The following EPG5 variants were observed in gnomAD, a reference collection of about 807,000 sequenced individuals.
The protein encoded by EPG5 is ectopic P granules protein 5 homolog.
In EPG5, 159 loss-of-function variants were observed where a neutral mutation model predicts 302.7. That is an observed-to-expected ratio of 0.53 (90% CI 0.46 to 0.60). The LOEUF (loss-of-function observed/expected upper bound fraction) is 0.60, where lower values mean the gene tolerates loss of function less well. Ranked by LOEUF, EPG5 falls within the 20% of genes least tolerant of loss-of-function variation. The probability of loss-of-function intolerance (pLI) is 0.00; values close to 1 mark genes in which losing one functional copy is unlikely to be tolerated. For synonymous variants in EPG5, 1,158 were observed against 1,136.8 expected (o/e 1.02, Z -0.37); for missense variants, 2,896 against 3,092.4 (o/e 0.94, Z 1.51).
chr18:45,872,215 T>C (rs2048885934), intron 35 of EPG5, among the ~76,000 whole-genome samples: 1 of 152,256 alleles, frequency 6.6e-6, no homozygotes, highest in African/African-American at 2.4e-5. Context: ...ACCTGGATTA[T>C]TACTCAATAT....
At chr18:45,924,790 C>T (rs769168743) in intron 14 of EPG5, among the ~76,000 whole-genome samples, 3 of 152,218 alleles carry the variant, frequency 2.0e-5, no homozygotes, top group Non-Finnish European at 4.4e-5. Context: ...CGCAGTGGCA[C>T]GCGCCTGTAA....
chr18:45,930,696 T>C lies in EPG5; in HGVS notation c.2392A>G (p.Ile798Val). 1 of 1,593,402 alleles carries C rather than the reference T, an allele frequency of 6.3e-7. No individual in the cohort carries two copies. Among genetic ancestry groups the C allele is most frequent in the South Asian group, 1.2e-5 (1 of 86,248 alleles). ...CTAACCTCATATATCTCCAGAACAATAATTTTTATGAAGTCTTCGTCCACA... is the reference window on the plus strand; with the variant it reads ...CTAACCTCATATATCTCCAGAACAACAATTTTTATGAAGTCTTCGTCCACA... Reference protein sequence around the residue: ...TNVDEDFIKIIVLEIYEVSYV... With the variant: ...TNVDEDFIKIVVLEIYEVSYV... The change falls in exon 12 of 44, where the codon ATT (isoleucine) becomes GTT (valine). Residue 798 changes from isoleucine to valine, a missense_variant. Transcript: ENST00000282041.
At chr18:45,963,352 A>T (rs1392597553) in intron 1 of EPG5, among the ~76,000 whole-genome samples, 2 of 152,248 alleles carry the variant, frequency 1.3e-5, no homozygotes, top group African/African-American at 4.8e-5. Flanking sequence ...AAAGGCCCTG[A>T]AGCAGGAAAG....
intron 28 of EPG5, among the ~76,000 whole-genome samples, chr18:45,888,171 T>A (rs2049259233): frequency 6.6e-6 from 1 of 151,788 alleles, no homozygotes; most frequent in Admixed American, 6.6e-5. Flanking sequence ...AATGGTGTGA[T>A]CTCGGCTCAC....
Position 45,949,578 on chromosome 18 carries a change from T to C in EPG5, c.1403A>G (p.Gln468Arg). 4 of 1,609,626 alleles carry C rather than the reference T, an allele frequency of 2.5e-6. No homozygotes were observed. Among genetic ancestry groups the C allele is most frequent in the Non-Finnish European group, 3.4e-6 (4 of 1,176,144 alleles). ...LWLQKLVSVLQRVGCPGDHLF... is the reference protein window; with the variant it reads ...LWLQKLVSVLRRVGCPGDHLF... Reference sequence around the variant, plus strand: ...GTGATCTCCAGGACAGCCAACTCTTTGTAGCACGGATACCTGAACAATAAA... The same window carrying C: ...GTGATCTCCAGGACAGCCAACTCTTCGTAGCACGGATACCTGAACAATAAA... The change falls in exon 5 of 44, where the codon CAA becomes CGA. Residue 468 changes from glutamine to arginine, a missense_variant. This residue lies in a region of EPG5 where 1,390 missense variants were observed against 1,430.0 expected (regional missense o/e 0.97). Transcript: ENST00000282041.
chr18:45,924,317 G>T (rs1215664994), intron 14 of EPG5, among the ~76,000 whole-genome samples: 1 of 152,232 alleles, frequency 6.6e-6, no homozygotes, highest in Non-Finnish European at 1.5e-5. Context: ...ACAAGCCAGA[G>T]AATGTGAAGG....
At chr18:45,947,693 C>A (rs2050816222) in intron 6 of EPG5, among the ~76,000 whole-genome samples, 1 of 152,200 alleles carries the variant, frequency 6.6e-6, no homozygotes, top group South Asian at 2.1e-4. Context: ...CTATCCTAAC[C>A]TGTGTTGGGG....
At chr18:45,899,832 T>C (rs573048818) in intron 26 of EPG5, among the ~76,000 whole-genome samples, 22 of 152,310 alleles carry the variant, frequency 1.4e-4, no homozygotes, top group African/African-American at 5.3e-4. Flanking sequence ...TTAGAATCCA[T>C]GTTATACCAA....
the EPG5 span, among the ~76,000 whole-genome samples, chr18:45,824,661 G>A: frequency 6.6e-6 from 1 of 152,214 alleles, no homozygotes; most frequent in Non-Finnish European, 1.5e-5. Context: ...ACGGCCAAAG[G>A]GAGGAGGAGG....
At position 45,860,082 on chromosome 18, in the gene EPG5, G is replaced by A. The variant is rs374393035; in HGVS notation, c.7009+22C>T. 4.0e-5 allele frequency: 64 copies of A among 1,613,428 alleles called. No individual in the cohort carries two copies. In the African/African-American group the frequency reaches 6.3e-4, roughly 16 times the overall value. Reference sequence around the variant, plus strand: ...TTCTGGAAAAGACCAATACAATGGAGCGTAAGATGACCTCCTCTTACTTTC... The same window carrying A: ...TTCTGGAAAAGACCAATACAATGGAACGTAAGATGACCTCCTCTTACTTTC... On this transcript the variant is annotated intron_variant, in intron 40 of 43. Transcript: ENST00000282041.
chr18:45,812,202 A>G, the EPG5 span, among the ~76,000 whole-genome samples: 1 of 152,218 alleles, frequency 6.6e-6, no homozygotes, highest in African/African-American at 2.4e-5. Context: ...TAGGAATCCA[A>G]CTTATAAGGG....
chr18:45,915,646 G>C, intron 19 of EPG5, 25 bp from the exon 20 acceptor site: 3 of 1,577,078 alleles, frequency 1.9e-6, no homozygotes, highest in South Asian at 2.2e-5. Context: ...GTGGAGCAGA[G>C]AGAGGAGGTT....
chr18:45,929,213 G>A (rs1316840142), intron 12 of EPG5, among the ~76,000 whole-genome samples: 5 of 152,166 alleles, frequency 3.3e-5, no homozygotes, highest in African/African-American at 4.8e-5. Context: ...ATAAGAGAAT[G>A]GCAACTTCTT....
chr18:45,888,323 T>TG (rs760830867), intron 28 of EPG5, among the ~76,000 whole-genome samples: 76 of 151,556 alleles, frequency 5.0e-4, no homozygotes, highest in Non-Finnish European at 5.5e-4. Context: ...ATTTATTTTT[T>TG]GACGGAGTCT....
the EPG5 span, among the ~76,000 whole-genome samples, chr18:45,830,582 T>G: frequency 8.3e-6 from 1 of 120,046 alleles, no homozygotes. Context: ...TATTTTTCTT[T>G]CTTTTTTTTT....
intron 9 of EPG5, among the ~76,000 whole-genome samples, chr18:45,940,093 C>T (rs550739312): frequency 2.0e-5 from 3 of 152,040 alleles, no homozygotes; most frequent in Admixed American, 6.6e-5. Context: ...GTTGGGAGCA[C>T]GAAAGGGCTT....
At chr18:45,951,553 C>T (rs887725714) in intron 3 of EPG5, among the ~76,000 whole-genome samples, 1 of 151,660 alleles carries the variant, frequency 6.6e-6, no homozygotes, top group East Asian at 1.9e-4. Flanking sequence ...CCGCTTCCTG[C>T]GTTCATGCCA....
At chr18:45,952,259 C>T (rs2050924972) in intron 3 of EPG5, 141 bp downstream of exon 3, 3 of 946,028 alleles carry the variant, frequency 3.2e-6, no homozygotes, top group Non-Finnish European at 4.7e-6. Flanking sequence ...CTCAATCCTA[C>T]AGTGGGGGAG....
At chr18:45,904,208 G>C in intron 24 of EPG5, 91 bp from the exon 25 acceptor site, 1 of 1,433,848 alleles carries the variant, frequency 7.0e-7, no homozygotes, top group Non-Finnish European at 9.4e-7. Context: ...GAACCAGTAA[G>C]TTTCAACACG....
Sources: gnomAD v4.1 joint callset for allele counts (sites outside exome capture counted in the v4.1 genomes callset) on GRCh38, gnomAD v4.1.1 for gene constraint, gnomAD v4.1.1 regional missense constraint, MANE v1.5 for transcripts, NCBI Gene and HGNC (gene_info 2026-07-23, HGNC 2026-07-21) for gene names.